Variants in MRPL45 observed in about 807,000 individuals in gnomAD.
The protein encoded by MRPL45 is mitochondrial ribosomal protein L45, also known as large ribosomal subunit protein mL45.
In MRPL45, 20 loss-of-function variants were observed where a neutral mutation model predicts 38.1. That is an observed-to-expected ratio of 0.53 (90% CI 0.37 to 0.76). MRPL45 has a LOEUF of 0.76. Among genes scored for constraint, MRPL45 ranks in the 30% least tolerant of loss-of-function variants. The pLI, the probability that MRPL45 is intolerant of heterozygous loss-of-function variation, is 0.00. For missense variants in MRPL45, 337 were observed against 395.6 expected (o/e 0.85, Z 1.26); for synonymous variants, 105 against 128.8 (o/e 0.82, Z 1.25).
chr17:38,299,046 T>A (rs2144197773), intron 2 of MRPL45, among the ~76,000 whole-genome samples: 1 of 150,260 alleles, frequency 6.7e-6, no homozygotes, highest in African/African-American at 2.4e-5. Flanking sequence ...CCTGCCACCA[T>A]GCCCGGCTAA....
intron 7 of MRPL45, 32 bp downstream of exon 7, chr17:38,322,331 AGGCACTACTCGT>A (rs2037239092): frequency 6.2e-7 from 1 of 1,601,658 alleles, no homozygotes; most frequent in African/African-American, 1.4e-5. Context: ...AAGAGAGCTG[AGGCACTACTCGT>A]GGTCTCCTAA....
intron 4 of MRPL45, among the ~76,000 whole-genome samples, chr17:38,316,814 T>A (rs1232448062): frequency 6.6e-6 from 1 of 152,058 alleles, no homozygotes; most frequent in Non-Finnish European, 1.5e-5. Flanking sequence ...TTCCTTTTTT[T>A]TTGAGACGGA....
intron 4 of MRPL45, among the ~76,000 whole-genome samples, chr17:38,317,857 G>A (rs1813244112): frequency 6.6e-6 from 1 of 152,016 alleles, no homozygotes; most frequent in African/African-American, 2.4e-5. Context: ...ACAGGCATGA[G>A]CCACCATGCC....
chr17:38,300,370 C>T (rs1006360619), intron 3 of MRPL45, among the ~76,000 whole-genome samples: 1 of 151,998 alleles, frequency 6.6e-6, no homozygotes, highest in Non-Finnish European at 1.5e-5. Flanking sequence ...CACTATGTTG[C>T]CCAGGCTGGT....
intron 4 of MRPL45, among the ~76,000 whole-genome samples, chr17:38,310,152 G>A (rs1442201075): frequency 1.2e-4 from 10 of 83,818 alleles, no homozygotes; most frequent in Admixed American, 2.9e-4. Flanking sequence ...TTTTTAGTGT[G>A]TCCAGATCTC....
At position 38,319,027 on chromosome 17, in the gene MRPL45, T is replaced by G. The variant is rs1264932417; in HGVS notation, c.510+292T>G. On this transcript the variant is annotated intron_variant, in intron 5 of 7. Transcript: ENST00000613675. ...TTTATTTATTTATTTATTTATTTATTTATTTATTTATTTATTTATTTATTT... is the reference window on the plus strand; with the variant it reads ...TTTATTTATTTATTTATTTATTTATGTATTTATTTATTTATTTATTTATTT... Among the ~76,000 whole-genome samples, 18 of 147,472 alleles carry G rather than the reference T, an allele frequency of 1.2e-4. No homozygotes were observed. In the Admixed American group the frequency reaches 1.2e-3, roughly 10 times the overall value.
intron 5 of MRPL45, 114 bp downstream of exon 5, chr17:38,318,849 CAG>C (rs2037201556): frequency 2.5e-6 from 2 of 785,802 alleles, no homozygotes; most frequent in Middle Eastern, 2.9e-4. Context: ...TTTTTTGAGA[CAG>C]AGTTTCACTC....
intron 1 of MRPL45, 39 bp downstream of exon 1, chr17:38,297,288 A>G (rs1296433323): frequency 1.9e-5 from 30 of 1,575,306 alleles, no homozygotes; most frequent in Non-Finnish European, 2.6e-5. Context: ...TAGGGGCTAC[A>G]GGAGAGGACA....
rs1377814336 is a variant in MRPL45 at position 38,322,189 on chromosome 17, G to A, written c.724G>A (p.Val242Ile). 1 of 1,614,130 alleles carries A rather than the reference G, an allele frequency of 6.2e-7. No individual in the cohort carries two copies. The highest frequency in any genetic ancestry group is 8.5e-7 in the Non-Finnish European group (1 of 1,180,006). The change falls in exon 7 of 8, where the codon GTC becomes ATC. Residue 242 changes from valine (V) to isoleucine (I), a missense_variant. Val to Ile is a conservative substitution (Grantham distance 29). Transcript: ENST00000613675. ...TGGACAGGAAGATGTACCCAAGGAT[G>A]TCCTGGAGTATGTTGTATTCGAAAA... is the stretch of plus-strand genomic sequence containing the variant. ...MYGQEDVPKD[V>I]LEYVVFEKQL...
chr17:38,315,330 A>AGTG (rs1183223663), intron 4 of MRPL45, among the ~76,000 whole-genome samples: 6 of 152,148 alleles, frequency 3.9e-5, no homozygotes, highest in African/African-American at 1.2e-4. Flanking sequence ...TGATAGCTGC[A>AGTG]CTGCAGCCTC....
rs2037208653 is a variant in MRPL45 at position 38,319,394 on chromosome 17, C to A, written c.510+659C>A. 2.0e-5 allele frequency among the ~76,000 whole-genome samples: 3 copies of A among 152,000 alleles called. No individual in the cohort carries two copies. The South Asian group carries it at 6.2e-4, about 31-fold the overall frequency. On this transcript the variant is annotated intron_variant, in intron 5 of 7. Transcript: ENST00000613675. The stretch of plus-strand genomic sequence containing the variant: ...CCGTTGGTCAGGCTGGTCTCCAACT[C>A]CCGACCTCAGGTGATCCGCCCGCCT...
At chr17:38,313,703 C>T (rs1343655959) in intron 4 of MRPL45, among the ~76,000 whole-genome samples, 1 of 150,790 alleles carries the variant, frequency 6.6e-6, no homozygotes, top group Non-Finnish European at 1.5e-5. Flanking sequence ...TGCTCTGTCG[C>T]CCAGACAGGA....
At chr17:38,313,989 G>C (rs1214205408) in intron 4 of MRPL45, among the ~76,000 whole-genome samples, 3 of 151,974 alleles carry the variant, frequency 2.0e-5, no homozygotes, top group African/African-American at 7.2e-5. Context: ...TAAATTAGGC[G>C]GTTATTTTGT....
chr17:38,314,545 T>C (rs1431251888), intron 4 of MRPL45, among the ~76,000 whole-genome samples: 8 of 152,212 alleles, frequency 5.3e-5, no homozygotes, highest in African/African-American at 1.9e-4. Context: ...CCAAATCCAG[T>C]GTCATGAAGT....
chr17:38,322,269 A>G lies in MRPL45; in HGVS notation c.804A>G (p.Pro268=). 1 of 1,614,014 alleles carries G rather than the reference A, an allele frequency of 6.2e-7. No homozygotes were observed. Among genetic ancestry groups the G allele is most frequent in the Non-Finnish European group, 8.5e-7 (1 of 1,179,982 alleles). ...SWRMHTKIVP[P]WAPPKQPILK... ...GAATGCATACCAAGATCGTTCCCCC[A>G]TGGGCACCCCCTAAGCAGCCCATCC... Residue 268 remains proline (P), a synonymous_variant, in exon 7 of 8, where the codon CCA becomes CCG. Coordinates refer to ENST00000613675, the MANE Select transcript of MRPL45 (RefSeq NM_032351.6).
intron 3 of MRPL45, among the ~76,000 whole-genome samples, chr17:38,304,433 G>A (rs1055446926): frequency 9.2e-5 from 14 of 152,234 alleles, no homozygotes; most frequent in African/African-American, 1.9e-4. Context: ...CCCTGATGGC[G>A]TCACTGTACT....
At chr17:38,300,343 T>G (rs1200281648) in intron 3 of MRPL45, among the ~76,000 whole-genome samples, 2 of 152,072 alleles carry the variant, frequency 1.3e-5, no homozygotes, top group East Asian at 3.9e-4. Flanking sequence ...AAAGAAATTT[T>G]TGTAGAGACG....
At chr17:38,306,976 C>T (rs2037061688) in intron 4 of MRPL45, among the ~76,000 whole-genome samples, 2 of 152,058 alleles carry the variant, frequency 1.3e-5, no homozygotes, top group Non-Finnish European at 2.9e-5. Flanking sequence ...TTTCCCTTTC[C>T]TTGGTTATTT....
At chr17:38,304,907 CAG>C (rs2037036275) in intron 3 of MRPL45, among the ~76,000 whole-genome samples, 1 of 148,350 alleles carries the variant, frequency 6.7e-6, no homozygotes, top group African/African-American at 2.5e-5. Flanking sequence ...AGTGCAGTGG[CAG>C]GATCTCAGCT....
Sources: gnomAD v4.1 joint callset for allele counts (sites outside exome capture counted in the v4.1 genomes callset) on GRCh38, gnomAD v4.1.1 for gene constraint, MANE v1.5 for transcripts, NCBI Gene and HGNC (gene_info 2026-07-23, HGNC 2026-07-21) for gene names.